IRS1: variants seen among roughly 807,000 people sequenced by gnomAD.
IRS1 encodes the protein insulin receptor substrate 1.
A neutral mutation model predicts 65.6 loss-of-function variants in IRS1; 34 were observed. The ratio of observed to expected loss-of-function variants is 0.52; its 90% CI spans 0.39 to 0.69. The LOEUF (loss-of-function observed/expected upper bound fraction) is 0.69. Among genes scored for constraint, IRS1 ranks in the 30% least tolerant of loss-of-function variants. IRS1 has a pLI of 0.00. For synonymous variants in IRS1, 699 were observed against 683.5 expected (o/e 1.02, Z -0.35); for missense variants, 1,641 against 1,720.2 (o/e 0.95, Z 0.81).
At position 226,732,904 on chromosome 2, in the gene IRS1, T is replaced by C. The variant is rs994972828; in HGVS notation, c.*3368A>G. On this transcript the variant is annotated 3_prime_UTR_variant, in exon 2 of 2. Coordinates refer to ENST00000305123, the MANE Select transcript of IRS1 (RefSeq NM_005544.3). ...CCCGCCAAGGTCTTAATTCACAGTG[T>C]CTGGATTCAGGGCCTCCTTGTGTGA... 1.3e-5 allele frequency: 2 copies of C among 152,136 alleles called. No homozygotes were observed. Among genetic ancestry groups the C allele is most frequent in the Non-Finnish European group, 2.9e-5 (2 of 68,016 alleles). 9.4% of individuals were successfully genotyped at this position (152,136 alleles called of 1,614,324 possible).
At chr2:226,789,107 A>T (rs1939542864) in intron 1 of IRS1, among the ~76,000 whole-genome samples, 1 of 152,262 alleles carries the variant, frequency 6.6e-6, no homozygotes, top group African/African-American at 2.4e-5. Context: ...TTTAAAACAA[A>T]ACAAAACCTT....
At chr2:226,758,553 T>C (rs1938849115) in intron 1 of IRS1, among the ~76,000 whole-genome samples, 1 of 152,170 alleles carries the variant, frequency 6.6e-6, no homozygotes, top group South Asian at 2.1e-4. Flanking sequence ...AATTTTCCTC[T>C]TATTAGAGGG....
intron 1 of IRS1, among the ~76,000 whole-genome samples, chr2:226,785,184 T>C (rs1239573466): frequency 6.6e-6 from 1 of 152,186 alleles, no homozygotes; most frequent in Non-Finnish European, 1.5e-5. Flanking sequence ...CTTAATCCCA[T>C]TATACCATAT....
chr2:226,740,172 T>A (rs147553322), intron 1 of IRS1, among the ~76,000 whole-genome samples: 71 of 152,336 alleles, frequency 4.7e-4, no homozygotes, highest in Non-Finnish European at 9.0e-4. Context: ...GGTTACATCA[T>A]TGGGGAATAA....
Position 226,796,613 on chromosome 2 carries a change from TGA to T in IRS1, c.2124_2125del (p.His709CysfsTer15). The T allele has an allele frequency of 1.9e-6, 3 of 1,613,968 alleles. No homozygotes were observed. The highest frequency in any genetic ancestry group is 2.5e-6 in the Non-Finnish European group (3 of 1,179,918). ...TGGGGGTTTGGGGTGAGGCAAGACATGAGAGTGGTGGCCCCCTACCCCGTTTG... is the reference window on the plus strand; with the variant it reads ...TGGGGGTTTGGGGTGAGGCAAGACATGAGTGGTGGCCCCCTACCCCGTTTG... On this transcript the variant is annotated frameshift_variant, in exon 1 of 2. Transcript: ENST00000305123. LOFTEE classifies it high-confidence loss of function.
At chr2:226,758,006 T>C (rs954543932) in intron 1 of IRS1, among the ~76,000 whole-genome samples, 2 of 152,216 alleles carry the variant, frequency 1.3e-5, no homozygotes, top group Non-Finnish European at 2.9e-5. Context: ...TAATTTACAA[T>C]TTGCCAAAAC....
intron 1 of IRS1, among the ~76,000 whole-genome samples, chr2:226,762,738 C>G (rs1574649134): frequency 6.6e-6 from 1 of 152,136 alleles, no homozygotes; most frequent in Non-Finnish European, 1.5e-5. Flanking sequence ...TTTGCCATTA[C>G]TTTTAAAATG....
In IRS1 at chr2:226,795,051, C is replaced by A. The variant is rs150914729; in HGVS notation, c.3688G>T (p.Ala1230Ser). The A allele has an allele frequency of 1.6e-5, 26 of 1,607,312 alleles. No homozygotes were observed. The highest frequency in any genetic ancestry group is 3.3e-4 in the Middle Eastern group (2 of 6,038). The change falls in exon 1 of 2, where the codon GCC becomes TCC. Residue 1230 changes from alanine to serine, a missense_variant. Physicochemically the swap from Ala to Ser is moderately conservative, Grantham distance 99. Transcript: ENST00000305123. ...GGCTGCTTCTGGAAACTGATGCTGG[C>A]ATAGGCGCTTAAATCCTCACTTGAG... ...RRSSEDLSAYASISFQKQPED... is the reference protein window; with the variant it reads ...RRSSEDLSAYSSISFQKQPED...
At position 226,797,224 on chromosome 2, in the gene IRS1, G is replaced by A; in HGVS notation, c.1515C>T (p.Ala505=). The part of the protein sequence containing the change: ...TPGTGLGTSP[A]LAGDEAASAA... ...CACTGGCTGCTTCATCCCCAGCCAAGGCTGGACTCGTGCCCAAGCCTGTTC... is the reference window on the plus strand; with the variant it reads ...CACTGGCTGCTTCATCCCCAGCCAAAGCTGGACTCGTGCCCAAGCCTGTTC... Residue 505 remains alanine, a synonymous_variant, in exon 1 of 2, where the codon GCC becomes GCT. Transcript: ENST00000305123. This position sits in a 1 kb window ranked among gnomAD's most constrained non-coding sequence, Gnocchi z 8.1. 6.2e-7 allele frequency: 1 copy of A among 1,613,666 alleles called. No homozygotes were observed. The highest frequency in any genetic ancestry group is 1.7e-5 in the Admixed American group (1 of 60,024).
At chr2:226,772,742 G>A (rs1412555255) in intron 1 of IRS1, among the ~76,000 whole-genome samples, 2 of 151,778 alleles carry the variant, frequency 1.3e-5, no homozygotes, top group South Asian at 4.2e-4. Context: ...ATAAATCTTG[G>A]GATCAGGAAA....
In IRS1 at chr2:226,768,024, C is replaced by A. The variant is rs561234479; in HGVS notation, c.*21+26965G>T. Among the ~76,000 whole-genome samples the A allele has an allele frequency of 3.3e-5, 5 of 152,290 alleles. 1 individual carries two copies. The East Asian group carries it at 5.8e-4, about 18-fold the overall frequency. On this transcript the variant is annotated intron_variant, in intron 1 of 1. Coordinates refer to ENST00000305123, the MANE Select transcript of IRS1 (RefSeq NM_005544.3). The stretch of plus-strand genomic sequence containing the variant: ...ACCCTAGCTTACTACCCCAATCACA[C>A]CTTCTACCCCATCCCTGCTGCTCCA...
In IRS1 at chr2:226,798,355, C is replaced by T. The variant is rs770123714; in HGVS notation, c.384G>A (p.Gly128=). The T allele has an allele frequency of 5.2e-5, 84 of 1,613,492 alleles. No homozygotes were observed. Among genetic ancestry groups the T allele is most frequent in the Non-Finnish European group, 6.9e-5 (81 of 1,179,940 alleles). Residue 128 remains glycine (G), a synonymous_variant, in exon 1 of 2, where the codon GGG becomes GGA. Transcript: ENST00000305123. The surrounding 1 kb of genome is among the most constrained non-coding windows in gnomAD (Gnocchi z 9.4). ...KGHHDGAAAL[G]AGGGGGSCSG... Reference sequence around the variant, plus strand: ...TGCAGCTGCCCCCACCACCTCCCGCCCCGAGGGCCGCAGCTCCGTCGTGGT... The same window carrying T: ...TGCAGCTGCCCCCACCACCTCCCGCTCCGAGGGCCGCAGCTCCGTCGTGGT...
chr2:226,796,947 G>GT lies in IRS1; in HGVS notation c.1791_1792insA (p.His598ThrfsTer13). The GT allele has an allele frequency of 6.4e-7, 1 of 1,556,532 alleles. No individual in the cohort carries two copies. Among genetic ancestry groups the GT allele is most frequent in the Non-Finnish European group, 8.7e-7 (1 of 1,148,312 alleles). ...AGGGTGGAGCTGTCTGGGCGGTGGT[G>GT]CCCCCCCCGACGCTCCAAGGGGTGC... is the stretch of plus-strand genomic sequence containing the variant. On this transcript the variant is annotated frameshift_variant, in exon 1 of 2. Transcript: ENST00000305123. LOFTEE classifies it high-confidence loss of function.
rs1489747499 is a variant in IRS1, at chr2:226,794,172, A to T, written c.*21+817T>A. Among the ~76,000 whole-genome samples, 4 of 152,230 alleles carry T rather than the reference A, an allele frequency of 2.6e-5. No individual in the cohort carries two copies. The highest frequency in any genetic ancestry group is 5.9e-5 in the Non-Finnish European group (4 of 68,040). On this transcript the variant is annotated intron_variant, in intron 1 of 1. Transcript: ENST00000305123. The surrounding 1 kb of genome is among the most constrained non-coding windows in gnomAD (Gnocchi z 4.1). ...TAATGTCTCAGTGCAAGAAGAGATA[A>T]CTATAAGGCAGACATCCTAGGATGA...
chr2:226,796,753 G>A lies in IRS1; in HGVS notation c.1986C>T (p.Tyr662=), dbSNP rs138035227. The A allele has an allele frequency of 5.6e-5, 90 of 1,605,996 alleles. No homozygotes were observed. The highest frequency in any genetic ancestry group is 2.9e-5 in the Non-Finnish European group (34 of 1,175,312). Residue 662 remains tyrosine (Y), a synonymous_variant, in exon 1 of 2, where the codon TAC becomes TAT. Coordinates refer to ENST00000305123, the MANE Select transcript of IRS1 (RefSeq NM_005544.3). ...RHPQRVDPNG[Y]MMMSPSGGCS... is the part of the protein sequence containing the mutation. ...AGCCACCGCTGGGGGACATCATCAT[G>A]TAGCCATTGGGGTCCACTCTCTGGG... is the stretch of plus-strand genomic sequence containing the variant.
chr2:226,732,352 G>T lies in IRS1; in HGVS notation c.*3920C>A, dbSNP rs752621624. On this transcript the variant is annotated 3_prime_UTR_variant, in exon 2 of 2. Transcript: ENST00000305123. The stretch of plus-strand genomic sequence containing the variant: ...TTCTACTCACTATGAAGCTGTTTTT[G>T]TTCTCCATAACTGAGCTCACAGTCT... 1 of 151,680 alleles carries T rather than the reference G, an allele frequency of 6.6e-6. No individual in the cohort carries two copies. Among genetic ancestry groups the T allele is most frequent in the East Asian group, 1.9e-4 (1 of 5,172 alleles). The allele number at this position is 151,680 out of a possible 1,614,324, so 9.4% of individuals were successfully genotyped here.
rs954486460 is a variant in IRS1 at position 226,794,913 on chromosome 2, G to C, written c.*21+76C>G. On this transcript the variant is annotated intron_variant, in intron 1 of 1. Transcript: ENST00000305123. The surrounding 1 kb of genome is among the most constrained non-coding windows in gnomAD (Gnocchi z 4.1). ...AAGCAGTGGGAAAGAACAGGAAGGGGCAGAGGCGAAGAACAGAATTCAAGG... is the reference window on the plus strand; with the variant it reads ...AAGCAGTGGGAAAGAACAGGAAGGGCCAGAGGCGAAGAACAGAATTCAAGG... 1.2e-5 allele frequency: 15 copies of C among 1,274,758 alleles called. 1 individual carries two copies. Among genetic ancestry groups the C allele is most frequent in the Middle Eastern group, 1.9e-4 (1 of 5,392 alleles). 79.0% of individuals were successfully genotyped at this position (1,274,758 alleles called of 1,614,324 possible).
intron 1 of IRS1, among the ~76,000 whole-genome samples, chr2:226,788,119 G>T (rs1321638591): frequency 1.3e-5 from 2 of 152,070 alleles, no homozygotes; most frequent in African/African-American, 4.8e-5. Flanking sequence ...TGTCAGGGAG[G>T]ATCAGAGAAC....
chr2:226,767,984 A>G (rs1939088428), intron 1 of IRS1, among the ~76,000 whole-genome samples: 1 of 152,182 alleles, frequency 6.6e-6, no homozygotes, highest in Non-Finnish European at 1.5e-5. Flanking sequence ...CCCATGGCCT[A>G]TGAAGCCCTG....
Sources: allele counts gnomAD v4.1 joint callset (sites outside exome capture counted in the v4.1 genomes callset), GRCh38; gene constraint gnomAD v4.1.1; non-coding constraint Gnocchi (gnomAD v3.1); transcripts MANE v1.5; gene names NCBI Gene and HGNC (gene_info 2026-07-23, HGNC 2026-07-21).